Variants in MYT1 observed in about 807,000 individuals in gnomAD.
The protein encoded by MYT1 is myelin transcription factor 1, also known as myelin transcription factor I.
Under a neutral mutation model 123.0 loss-of-function variants are expected in MYT1, and 23 were observed. The observed-to-expected ratio is 0.19, with a 90% confidence interval of 0.13 to 0.26. The LOEUF is 0.26. Ranked by LOEUF, MYT1 falls within the 10% of genes least tolerant of loss-of-function variation. The pLI, the probability that MYT1 is intolerant of heterozygous loss-of-function variation, is 1.00. For missense variants in MYT1, 1,125 were observed against 1,472.5 expected (o/e 0.76, Z 3.86); for synonymous variants, 518 against 575.3 (o/e 0.90, Z 1.43).
At chr20:64,214,378 C>T (rs759672032) in intron 10 of MYT1, among the ~76,000 whole-genome samples, 4 of 152,196 alleles carry the variant, frequency 2.6e-5, no homozygotes, top group Admixed American at 1.3e-4. Flanking sequence ...TTTACATGTG[C>T]GTGCAAGTCC....
intron 11 of MYT1, among the ~76,000 whole-genome samples, chr20:64,217,939 T>C (rs540076320): frequency 6.6e-6 from 1 of 152,402 alleles, no homozygotes; most frequent in Non-Finnish European, 1.5e-5. Flanking sequence ...AATAAGCCCA[T>C]TAGCCCTGGA....
chr20:64,222,363 G>T (rs1299461700), intron 14 of MYT1, among the ~76,000 whole-genome samples: 4 of 152,230 alleles, frequency 2.6e-5, no homozygotes, highest in African/African-American at 7.2e-5. Context: ...TCTGCAGGAA[G>T]CCCTCGGGGC....
At chr20:64,220,383 G>A (rs939251642) in intron 13 of MYT1, among the ~76,000 whole-genome samples, 3 of 152,214 alleles carry the variant, frequency 2.0e-5, no homozygotes, top group Non-Finnish European at 4.4e-5. Flanking sequence ...GAGCTAACCT[G>A]CTGTCCGGGT....
Position 64,196,442 on chromosome 20 carries a change from G to A in MYT1, c.1-2420G>A, listed in dbSNP as rs184874403. Among the ~76,000 whole-genome samples the A allele has an allele frequency of 2.9e-4, 44 of 152,382 alleles. No individual in the cohort carries two copies. Among genetic ancestry groups the A allele is most frequent in the African/African-American group, 1.0e-3 (42 of 41,588 alleles). On this transcript the variant is annotated intron_variant, in intron 2 of 22. Transcript: ENST00000328439. The surrounding 1 kb of genome is among the most constrained non-coding windows in gnomAD (Gnocchi z 4.3). ...GACTTCTTTCGAAAAGAAAAGTGAT[G>A]TAAATCAAGCAGTGCTGGTTTTGTC...
intron 1 of MYT1, among the ~76,000 whole-genome samples, chr20:64,165,955 C>G (rs1982067030): frequency 6.6e-6 from 1 of 152,096 alleles, no homozygotes; most frequent in African/African-American, 2.4e-5. Context: ...GGGGTATGCT[C>G]TGCCTCTGTC....
At chr20:64,228,197 GC>G (rs1322123218) in intron 18 of MYT1, 1 of 551,780 alleles carries the variant, frequency 1.8e-6, no homozygotes, top group African/African-American at 1.9e-5. Flanking sequence ...GGGCATGGGT[GC>G]CAGATTTTCT....
chr20:64,207,688 C>G lies in MYT1; in HGVS notation c.492C>G (p.Ile164Met), dbSNP rs768737614. Reference sequence around the variant, plus strand: ...GCTACAGCAGCTACCAGGGAATCATCGCAACTTCTCTCCTGAACTTGGGTC... The same window carrying G: ...GCTACAGCAGCTACCAGGGAATCATGGCAACTTCTCTCCTGAACTTGGGTC... ...KGSYSSYQGI[I>M]ATSLLNLGQI... is the part of the protein sequence containing the mutation. Residue 164 changes from isoleucine (I) to methionine (M), a missense_variant, in exon 7 of 23, where the codon ATC (isoleucine) becomes ATG (methionine). By Grantham distance (10) the Ile-to-Met change is conservative. Around this residue, in one of 4 missense-constraint regions of MYT1, gnomAD observed 406 missense variants for 432.2 expected, o/e 0.94. Transcript: ENST00000328439. 1.2e-6 allele frequency: 2 copies of G among 1,614,082 alleles called. No individual in the cohort carries two copies. The highest frequency in any genetic ancestry group is 1.7e-5 in the Admixed American group (1 of 60,014).
chr20:64,203,216 G>A lies in MYT1; in HGVS notation c.87-1819G>A, dbSNP rs1434068023. Among the ~76,000 whole-genome samples, 1 of 152,232 alleles carries A rather than the reference G, an allele frequency of 6.6e-6. No homozygotes were observed. The highest frequency in any genetic ancestry group is 1.5e-5 in the Non-Finnish European group (1 of 68,042). ...AGGACTCTTCTGAGCTGAGGGTGACGTGTTCAGGGCAGTCCGGTCCCCACA... is the reference window on the plus strand; with the variant it reads ...AGGACTCTTCTGAGCTGAGGGTGACATGTTCAGGGCAGTCCGGTCCCCACA... On this transcript the variant is annotated intron_variant, in intron 4 of 22. Coordinates refer to ENST00000328439, the MANE Select transcript of MYT1 (RefSeq NM_004535.3). The surrounding 1 kb of genome is among the most constrained non-coding windows in gnomAD (Gnocchi z 5.1).
rs747943262 is a variant in MYT1 at position 64,189,911 on chromosome 20, TTG to T, written c.-98-150_-98-149del. The stretch of plus-strand genomic sequence containing the variant: ...CTGAAGCAGCCATGGAGCCATGACC[TTG>T]TCTGTTTCTCCGGTGGATTCCAGGA... On this transcript the variant is annotated intron_variant, in intron 1 of 22. Transcript: ENST00000328439. This position sits in a 1 kb window ranked among gnomAD's most constrained non-coding sequence, Gnocchi z 5.5. 9.9e-5 allele frequency among the ~76,000 whole-genome samples: 15 copies of T among 152,124 alleles called. No homozygotes were observed. Among genetic ancestry groups the T allele is most frequent in the African/African-American group, 1.4e-4 (6 of 41,424 alleles).
chr20:64,234,190 A>G (rs552827021), intron 19 of MYT1, among the ~76,000 whole-genome samples: 2 of 152,320 alleles, frequency 1.3e-5, no homozygotes, highest in South Asian at 4.1e-4. Flanking sequence ...TTGAGAATGC[A>G]CAATTGTAAT....
At chr20:64,194,041 C>A (rs1005069812) in intron 2 of MYT1, among the ~76,000 whole-genome samples, 1 of 152,178 alleles carries the variant, frequency 6.6e-6, no homozygotes, top group Non-Finnish European at 1.5e-5. Context: ...TCTCCACACA[C>A]CCCAGCCCCA....
chr20:64,180,767 ATCTT>A lies in MYT1; in HGVS notation c.-98-9290_-98-9287del, dbSNP rs375390108. Among the ~76,000 whole-genome samples, 753 of 152,294 alleles carry A rather than the reference ATCTT, an allele frequency of 4.9e-3. 35 individuals are homozygous for A. The South Asian group carries it at 0.092, about 19-fold the overall frequency. ...AGCTTCCTTTGTAGCGTTGAGCGTT[ATCTT>A]TCTTTATCTTCAGTGTTTCGCTGGT... On this transcript the variant is annotated intron_variant, in intron 1 of 22. Transcript: ENST00000328439.
rs929486378 is a variant in MYT1, at chr20:64,186,233, G to A, written c.-98-3830G>A. ...TTACCTTGAGCAGGCAGGACTCCAG[G>A]TGCAAAGATGCCGGGTCCCTAGAGA... On this transcript the variant is annotated intron_variant, in intron 1 of 22. Transcript: ENST00000328439. This position sits in a 1 kb window ranked among gnomAD's most constrained non-coding sequence, Gnocchi z 4.3. Among the ~76,000 whole-genome samples the A allele has an allele frequency of 3.3e-5, 5 of 152,156 alleles. No individual in the cohort carries two copies. The highest frequency in any genetic ancestry group is 1.2e-4 in the African/African-American group (5 of 41,434).
intron 21 of MYT1, among the ~76,000 whole-genome samples, chr20:64,238,810 C>G (rs1984629538): frequency 6.6e-6 from 1 of 152,228 alleles, no homozygotes; most frequent in African/African-American, 2.4e-5. Flanking sequence ...TTTTTAAAGA[C>G]AGATTATTAC....
intron 22 of MYT1, 135 bp from the exon 23 acceptor site, chr20:64,240,185 G>A: frequency 7.1e-6 from 9 of 1,269,116 alleles, no homozygotes; most frequent in Admixed American, 2.3e-5. Context: ...AGAGAGGAAC[G>A]CCCAGTGCTG....
At chr20:64,216,646 G>A (rs113202003) in intron 10 of MYT1, among the ~76,000 whole-genome samples, 93 of 152,318 alleles carry the variant, frequency 6.1e-4, no homozygotes, top group Non-Finnish European at 1.0e-3. Context: ...GGAGTTCTAG[G>A]TTATGCTGCC....
rs765339148 is a variant in MYT1 at position 64,207,953 on chromosome 20, G to A, written c.757G>A (p.Gly253Ser). 19 of 1,609,594 alleles carry A rather than the reference G, an allele frequency of 1.2e-5. No individual in the cohort carries two copies. In the Admixed American group the frequency reaches 2.8e-4, roughly 24 times the overall value. ...AASEESSKQKGILSHEEEDEE... is the reference protein window; with the variant it reads ...AASEESSKQKSILSHEEEDEE... Reference sequence around the variant, plus strand: ...CAGTGAGGAGTCCAGCAAGCAGAAAGGCATCCTGAGTCACGAAGAGGAGGA... The same window carrying A: ...CAGTGAGGAGTCCAGCAAGCAGAAAAGCATCCTGAGTCACGAAGAGGAGGA... The change falls in exon 7 of 23, where the codon GGC becomes AGC. Residue 253 changes from glycine (G) to serine (S), a missense_variant. This residue lies in a region of MYT1 where 406 missense variants were observed against 432.2 expected (regional missense o/e 0.94). Coordinates refer to ENST00000328439, the MANE Select transcript of MYT1 (RefSeq NM_004535.3).
rs1983116919 is a variant in MYT1, at chr20:64,196,277, G to A, written c.1-2585G>A. ...GTGGTGGGGGCAGAAGGTCTGGGGG[G>A]CTGCCGTCCAGGGATCACCAAGGTG... On this transcript the variant is annotated intron_variant, in intron 2 of 22. Transcript: ENST00000328439. This position sits in a 1 kb window ranked among gnomAD's most constrained non-coding sequence, Gnocchi z 4.3. Among the ~76,000 whole-genome samples the A allele has an allele frequency of 6.6e-6, 1 of 152,196 alleles. No homozygotes were observed. The highest frequency in any genetic ancestry group is 2.4e-5 in the African/African-American group (1 of 41,440).
chr20:64,196,534 C>G lies in MYT1; in HGVS notation c.1-2328C>G, dbSNP rs942055695. ...CTCAGAAACCAGTGTCCCAAGTCAC[C>G]CAGCTCTTACGGGTTCATTCTCGTA... On this transcript the variant is annotated intron_variant, in intron 2 of 22. Coordinates refer to ENST00000328439, the MANE Select transcript of MYT1 (RefSeq NM_004535.3). The surrounding 1 kb of genome is among the most constrained non-coding windows in gnomAD (Gnocchi z 4.3). Among the ~76,000 whole-genome samples, 2 of 152,236 alleles carry G rather than the reference C, an allele frequency of 1.3e-5. 1 individual carries two copies.
Sources: gnomAD v4.1 joint callset for allele counts (sites outside exome capture counted in the v4.1 genomes callset) on GRCh38, gnomAD v4.1.1 for gene constraint, gnomAD v4.1.1 regional missense constraint, Gnocchi (gnomAD v3.1) non-coding constraint, MANE v1.5 for transcripts, NCBI Gene and HGNC (gene_info 2026-07-23, HGNC 2026-07-21) for gene names.